Variants in PDGFD observed in about 807,000 individuals in gnomAD.
The protein encoded by PDGFD is platelet derived growth factor D, also known as platelet-derived growth factor D.
In PDGFD, 30 loss-of-function variants were observed where a neutral mutation model predicts 44.7. The observed-to-expected ratio is 0.67, with a 90% confidence interval of 0.50 to 0.91. PDGFD has a LOEUF of 0.91. PDGFD is among the 40% of genes least tolerant of loss of function. The probability of loss-of-function intolerance (pLI) is 0.00; values close to 1 mark genes in which losing one functional copy is unlikely to be tolerated. For missense variants in PDGFD, 445 were observed against 457.8 expected, an observed-to-expected ratio of 0.97 and a Z score of 0.25; for synonymous variants, 173 against 168.4, an observed-to-expected ratio of 1.03 and a Z score of -0.21.
chr11:104,114,590 T>C (rs1473028325), intron 1 of PDGFD, among the ~76,000 whole-genome samples: 1 of 152,070 alleles, frequency 6.6e-6, no homozygotes, highest in Admixed American at 6.6e-5. Context: ...GTCATTTATC[T>C]CTCCATATAA....
chr11:104,119,409 A>G (rs1226402205), intron 1 of PDGFD, among the ~76,000 whole-genome samples: 1 of 69,776 alleles, frequency 1.4e-5, no homozygotes, highest in Non-Finnish European at 2.4e-5. Context: ...TATATAATAT[A>G]ATATATTGAT....
At chr11:104,123,179 TAA>T (rs1482558822) in intron 1 of PDGFD, among the ~76,000 whole-genome samples, 1 of 152,048 alleles carries the variant, frequency 6.6e-6, no homozygotes, top group East Asian at 1.9e-4. Flanking sequence ...AAAATTAAAA[TAA>T]GAGACCAGCA....
At chr11:104,148,599 CTTTTA>C (rs1862198015) in intron 1 of PDGFD, among the ~76,000 whole-genome samples, 3 of 152,056 alleles carry the variant, frequency 2.0e-5, no homozygotes, top group East Asian at 1.9e-4. Context: ...ACATTTTTAA[CTTTTA>C]TTTTAAGCTC....
At chr11:104,113,212 A>G (rs1004638766) in intron 1 of PDGFD, among the ~76,000 whole-genome samples, 4 of 152,168 alleles carry the variant, frequency 2.6e-5, no homozygotes, top group Non-Finnish European at 4.4e-5. Context: ...TTCATTTTTA[A>G]TAATTAAGAA....
intron 1 of PDGFD, among the ~76,000 whole-genome samples, chr11:104,001,446 T>C (rs1859618417): frequency 6.6e-6 from 1 of 152,238 alleles, no homozygotes; most frequent in South Asian, 2.1e-4. Flanking sequence ...TTCTAGCAAA[T>C]ATCAAACCTG....
At chr11:104,071,133 AAATTTT>A (rs1860869028) in intron 1 of PDGFD, among the ~76,000 whole-genome samples, 1 of 151,928 alleles carries the variant, frequency 6.6e-6, no homozygotes. Context: ...CCACTTACAT[AAATTTT>A]AAGTGTATAG....
chr11:104,130,852 T>C (rs749403282), intron 1 of PDGFD, among the ~76,000 whole-genome samples: 1 of 152,188 alleles, frequency 6.6e-6, no homozygotes, highest in Admixed American at 6.5e-5. Context: ...ATACTTTTGG[T>C]TTATTAATTA....
At chr11:104,062,381 T>C (rs971693601) in intron 1 of PDGFD, among the ~76,000 whole-genome samples, 2 of 152,234 alleles carry the variant, frequency 1.3e-5, no homozygotes, top group African/African-American at 4.8e-5. Context: ...TGGCTCTTCC[T>C]ATCTTTCTTC....
At position 104,009,428 on chromosome 11, in the gene PDGFD, G is replaced by GTATTATTATTATTAT. The variant is rs1316090807; in HGVS notation, c.125-9174_125-9173insATAATAATAATAATA. Among the ~76,000 whole-genome samples the GTATTATTATTATTAT allele has an allele frequency of 1.5e-4, 18 of 120,132 alleles. No individual in the cohort carries two copies. The South Asian group carries it at 3.1e-3, about 21-fold the overall frequency. The allele number at this position is 120,132 out of a possible 152,430, so 78.8% of individuals were successfully genotyped here. ...AAAATCAGTCCTGTGTCTTGCAAAT[G>GTATTATTATTATTAT]CATTATTATTATTATTATTATTATT... On this transcript the variant is annotated intron_variant, in intron 1 of 6. Transcript: ENST00000393158.
intron 1 of PDGFD, chr11:104,036,803 G>A: frequency 1.2e-6 from 2 of 1,602,630 alleles, no homozygotes; most frequent in Non-Finnish European, 1.7e-6. Flanking sequence ...CTGCTAGCCC[G>A]GCCCGCCCGG....
In PDGFD at chr11:103,947,665, A is replaced by C; in HGVS notation, c.570T>G (p.Ile190Met). The C allele has an allele frequency of 6.2e-7, 1 of 1,612,910 alleles. No individual in the cohort carries two copies. Among genetic ancestry groups the C allele is most frequent in the Non-Finnish European group, 8.5e-7 (1 of 1,179,008 alleles). Residue 190 changes from isoleucine to methionine, a missense_variant, in exon 4 of 7, where the codon ATT becomes ATG. By Grantham distance (10) the Ile-to-Met change is conservative. Coordinates refer to ENST00000393158, the MANE Select transcript of PDGFD (RefSeq NM_025208.5). ...ETNWESVTSSISGVSYNSPSV... is the reference protein window; with the variant it reads ...ETNWESVTSSMSGVSYNSPSV... ...AACAGAGTAATAAATTACTTACTGA[A>C]ATAGAGCTTGTGACAGATTCCCAGT...
chr11:104,149,469 G>C (rs1446149978), intron 1 of PDGFD, among the ~76,000 whole-genome samples: 4 of 152,168 alleles, frequency 2.6e-5, no homozygotes, highest in Admixed American at 2.6e-4. Context: ...CAAGTTCGGT[G>C]AATCAGTGAA....
chr11:103,915,297 C>T (rs535604557), intron 6 of PDGFD, among the ~76,000 whole-genome samples: 2 of 152,220 alleles, frequency 1.3e-5, no homozygotes, highest in East Asian at 3.9e-4. Context: ...TTCTTATACG[C>T]CAATAATAGA....
chr11:104,035,085 G>A (rs954830456), intron 1 of PDGFD, among the ~76,000 whole-genome samples: 3 of 152,084 alleles, frequency 2.0e-5, no homozygotes, highest in Non-Finnish European at 2.9e-5. Flanking sequence ...TAGGGAGAAG[G>A]TGGCTGTGCC....
intron 1 of PDGFD, among the ~76,000 whole-genome samples, chr11:104,072,432 C>T (rs892673469): frequency 6.6e-6 from 1 of 151,648 alleles, no homozygotes; most frequent in Non-Finnish European, 1.5e-5. Flanking sequence ...ATTCTATACT[C>T]CATTTTTTAA....
chr11:104,093,798 G>A (rs1038985317), intron 1 of PDGFD, among the ~76,000 whole-genome samples: 2 of 149,534 alleles, frequency 1.3e-5, no homozygotes, highest in African/African-American at 2.5e-5. Flanking sequence ...CCATTCCCTC[G>A]CATGCTTCTG....
At chr11:104,048,978 C>G (rs1591138629) in intron 1 of PDGFD, among the ~76,000 whole-genome samples, 2 of 152,166 alleles carry the variant, frequency 1.3e-5, no homozygotes, top group African/African-American at 4.8e-5. Flanking sequence ...AACAACATCT[C>G]CACTGTAAAG....
At chr11:104,052,937 C>T (rs764048753) in intron 1 of PDGFD, among the ~76,000 whole-genome samples, 10 of 152,144 alleles carry the variant, frequency 6.6e-5, no homozygotes, top group Admixed American at 1.3e-4. Context: ...AGAATTTCTA[C>T]ATTTTTATTC....
chr11:104,078,314 A>G (rs1427639650), intron 1 of PDGFD, among the ~76,000 whole-genome samples: 1 of 152,148 alleles, frequency 6.6e-6, no homozygotes, highest in Admixed American at 6.5e-5. Context: ...GTGCTTCCCT[A>G]CTGTTTTTGA....
Sources: gnomAD v4.1 joint callset for allele counts (sites outside exome capture counted in the v4.1 genomes callset) on GRCh38, gnomAD v4.1.1 for gene constraint, MANE v1.5 for transcripts, NCBI Gene and HGNC (gene_info 2026-07-23, HGNC 2026-07-21) for gene names.